Variants in ADAMTS3 observed in about 807,000 individuals in gnomAD.
ADAMTS3 encodes ADAM metallopeptidase with thrombospondin type 1 motif 3.
A neutral mutation model predicts 129.0 loss-of-function variants in ADAMTS3; 73 were observed. The ratio of observed to expected loss-of-function variants is 0.57; its 90% CI spans 0.47 to 0.69. The LOEUF is 0.69. Among genes scored for constraint, ADAMTS3 ranks in the 30% least tolerant of loss-of-function variants. ADAMTS3 has a pLI of 0.00. For synonymous variants in ADAMTS3, 477 were observed against 510.8 expected (o/e 0.93, Z 0.89); for missense variants, 1,457 against 1,514.5 (o/e 0.96, Z 0.63).
chr4:72,395,392 G>C (rs1721701678), intron 4 of ADAMTS3, among the ~76,000 whole-genome samples: 1 of 151,986 alleles, frequency 6.6e-6, no homozygotes, highest in Non-Finnish European at 1.5e-5. Flanking sequence ...AAAAGGCAAG[G>C]TTAAAAAAAT....
At position 72,506,773 on chromosome 4, in the gene ADAMTS3, G is replaced by T. The variant is rs189544497; in HGVS notation, c.504+41705C>A. 2.6e-5 allele frequency among the ~76,000 whole-genome samples: 4 copies of T among 152,170 alleles called. No homozygotes were observed. In the East Asian group the frequency reaches 5.8e-4, roughly 22 times the overall value. Reference sequence around the variant, plus strand: ...GGTTCTCTGCTTCTCTCACATACTGGGGCTTCACTCACTTTTATCAGCCAG... The same window carrying T: ...GGTTCTCTGCTTCTCTCACATACTGTGGCTTCACTCACTTTTATCAGCCAG... On this transcript the variant is annotated intron_variant, in intron 3 of 21. Transcript: ENST00000286657.
intron 3 of ADAMTS3, among the ~76,000 whole-genome samples, chr4:72,521,351 T>A (rs115783925): frequency 6.6e-6 from 1 of 152,122 alleles, no homozygotes; most frequent in Non-Finnish European, 1.5e-5. Flanking sequence ...TTAAGACCAG[T>A]TATATGCAGT....
intron 19 of ADAMTS3, among the ~76,000 whole-genome samples, chr4:72,294,506 G>A (rs1718755782): frequency 6.6e-6 from 1 of 152,012 alleles, no homozygotes; most frequent in African/African-American, 2.4e-5. Context: ...TTAATTAGCT[G>A]AGTTTAATCA....
chr4:72,545,644 C>T (rs757540123), intron 3 of ADAMTS3, among the ~76,000 whole-genome samples: 7 of 152,108 alleles, frequency 4.6e-5, no homozygotes, highest in African/African-American at 1.2e-4. Context: ...ATTCTTCAGA[C>T]CTTCTAAAGT....
chr4:72,418,898 C>T (rs765730785), intron 3 of ADAMTS3, among the ~76,000 whole-genome samples: 207 of 152,344 alleles, frequency 1.4e-3, no homozygotes, highest in Non-Finnish European at 2.2e-3. Flanking sequence ...AGTGTCCTCA[C>T]GAGGCCCCAA....
intron 2 of ADAMTS3, among the ~76,000 whole-genome samples, chr4:72,565,806 A>C (rs758013059): frequency 3.3e-5 from 5 of 152,316 alleles, no homozygotes; most frequent in Non-Finnish European, 7.4e-5. Flanking sequence ...TTAGCAAAAC[A>C]ACTGAACCAA....
chr4:72,476,845 A>C (rs1905023), intron 3 of ADAMTS3, among the ~76,000 whole-genome samples: 5,739 of 152,268 alleles, frequency 0.038, 128 homozygotes, highest in Non-Finnish European at 0.048. Flanking sequence ...TCAGGGAAGC[A>C]AGGCTAGTTC....
rs945272702 is a variant in ADAMTS3 at position 72,514,832 on chromosome 4, C to CT, written c.504+33645dup. On this transcript the variant is annotated intron_variant, in intron 3 of 21. Transcript: ENST00000286657. ...ACTCCAATATTTACAATCTTTTTTC[C>CT]TTTTTTTTAATTATTATTATACTTT... is the stretch of plus-strand genomic sequence containing the variant. 2.2e-4 allele frequency among the ~76,000 whole-genome samples: 33 copies of CT among 151,582 alleles called. 1 individual carries two copies. Among genetic ancestry groups the CT allele is most frequent in the South Asian group, 1.9e-3 (9 of 4,788 alleles).
rs181222568 is a variant in ADAMTS3, at chr4:72,367,276, C to T, written c.662-27583G>A. On this transcript the variant is annotated intron_variant, in intron 4 of 21. Coordinates refer to ENST00000286657, the MANE Select transcript of ADAMTS3 (RefSeq NM_014243.3). The stretch of plus-strand genomic sequence containing the variant: ...AATAAACTAATTTCTTGTCTTCTAC[C>T]TTAGAAACTGAATCTGGTTATCTAG... Among the ~76,000 whole-genome samples the T allele has an allele frequency of 4.1e-3, 623 of 152,152 alleles. 2 individuals are homozygous for T. Among genetic ancestry groups the T allele is most frequent in the Non-Finnish European group, 5.8e-3 (395 of 68,004 alleles).
chr4:72,548,425 T>C (rs1010830485), intron 3 of ADAMTS3, 53 bp downstream of exon 3: 1 of 1,566,202 alleles, frequency 6.4e-7, no homozygotes, highest in Non-Finnish European at 8.7e-7. Flanking sequence ...GCAGAAGCCA[T>C]GGCTGCACTC....
chr4:72,561,526 A>C (rs183462404), intron 2 of ADAMTS3, among the ~76,000 whole-genome samples: 124 of 152,304 alleles, frequency 8.1e-4, no homozygotes, highest in African/African-American at 2.7e-3. Context: ...AAAGAAAAAA[A>C]TGAACTTTAC....
chr4:72,392,586 A>C (rs1427234262), intron 4 of ADAMTS3, among the ~76,000 whole-genome samples: 4 of 152,198 alleles, frequency 2.6e-5, no homozygotes, highest in Non-Finnish European at 4.4e-5. Context: ...TTTAAGGCAC[A>C]CACTAGTTTT....
chr4:72,311,070 A>G lies in ADAMTS3; in HGVS notation c.2033T>C (p.Ile678Thr), dbSNP rs1719220668. The change falls in exon 14 of 22, where the codon ATA (isoleucine) becomes ACA (threonine). Residue 678 changes from isoleucine (I) to threonine (T), a missense_variant. Physicochemically the swap from Ile to Thr is moderately conservative, Grantham distance 89 (BLOSUM62 -1). Transcript: ENST00000286657. The stretch of plus-strand genomic sequence containing the variant: ...TACCACACACTCTCCTCGCACACAT[A>G]TGCTATATGGATCTTTGTAAGAACA... ...THCSYKDPYS[I>T]CVRGECVKVG... 2 of 1,610,618 alleles carry G rather than the reference A, an allele frequency of 1.2e-6. No individual in the cohort carries two copies. The highest frequency in any genetic ancestry group is 1.7e-5 in the Admixed American group (1 of 59,802).
At chr4:72,373,888 A>AC (rs1721073943) in intron 4 of ADAMTS3, among the ~76,000 whole-genome samples, 1 of 147,736 alleles carries the variant, frequency 6.8e-6, no homozygotes, top group Non-Finnish European at 1.5e-5. Context: ...TGTCAGCAAG[A>AC]CCCCATCTCA....
At chr4:72,521,780 T>C (rs995092157) in intron 3 of ADAMTS3, among the ~76,000 whole-genome samples, 1 of 152,184 alleles carries the variant, frequency 6.6e-6, no homozygotes, top group Non-Finnish European at 1.5e-5. Flanking sequence ...GCTATTCCCA[T>C]TATTATAATA....
rs193301299 is a variant in ADAMTS3 at position 72,448,725 on chromosome 4, T to C, written c.505-33754A>G. Among the ~76,000 whole-genome samples, 305 of 151,844 alleles carry C rather than the reference T, an allele frequency of 2.0e-3. 1 individual carries two copies. Among genetic ancestry groups the C allele is most frequent in the African/African-American group, 6.9e-3 (287 of 41,504 alleles). On this transcript the variant is annotated intron_variant, in intron 3 of 21. Transcript: ENST00000286657. ...GATATCCCTGCAGAAGATGACATTA[T>C]AAAATTCTTGTAATATGAAGAAGCA...
At chr4:72,433,970 T>A (rs1027104205) in intron 3 of ADAMTS3, among the ~76,000 whole-genome samples, 1 of 151,878 alleles carries the variant, frequency 6.6e-6, no homozygotes, top group African/African-American at 2.4e-5. Context: ...TGAACTAGAC[T>A]ACCGAGGTTG....
intron 3 of ADAMTS3, among the ~76,000 whole-genome samples, chr4:72,486,764 A>T (rs16848045): frequency 0.038 from 5,799 of 152,278 alleles, 131 homozygotes; most frequent in Non-Finnish European, 0.048. Context: ...TCGAGGGTCA[A>T]TGCACTACTT....
chr4:72,404,509 A>G (rs1457858207), intron 4 of ADAMTS3, among the ~76,000 whole-genome samples: 1 of 152,120 alleles, frequency 6.6e-6, no homozygotes, highest in Non-Finnish European at 1.5e-5. Context: ...AATCAACCCC[A>G]GATGGATTGA....
Sources: gnomAD v4.1 joint callset for allele counts (sites outside exome capture counted in the v4.1 genomes callset) on GRCh38, gnomAD v4.1.1 for gene constraint, MANE v1.5 for transcripts, NCBI Gene and HGNC (gene_info 2026-07-23, HGNC 2026-07-21) for gene names.